Variants in SLC26A7 observed in about 807,000 individuals in gnomAD.
SLC26A7 encodes anion exchange transporter.
Under a neutral mutation model 82.5 loss-of-function variants are expected in SLC26A7, and 59 were observed. The observed-to-expected ratio is 0.72, with a 90% CI of 0.58 to 0.89. SLC26A7 has a LOEUF of 0.89. Ranked by LOEUF, SLC26A7 falls within the 40% of genes least tolerant of loss-of-function variation. The pLI, the probability that SLC26A7 is intolerant of heterozygous loss-of-function variation, is 0.00. For synonymous variants in SLC26A7, 271 were observed against 274.3 expected, an observed-to-expected ratio of 0.99 and a Z score of 0.12; for missense variants, 820 against 793.0, an observed-to-expected ratio of 1.03 and a Z score of -0.41.
chr8:91,239,151 A>G (rs1810432170), intron 2 of SLC26A7, among the ~76,000 whole-genome samples: 1 of 151,988 alleles, frequency 6.6e-6, no homozygotes, highest in African/African-American at 2.4e-5. Flanking sequence ...CGGGCGGATC[A>G]CGAGGTCTGG....
intron 4 of SLC26A7, among the ~76,000 whole-genome samples, chr8:91,304,364 T>A (rs1290716716): frequency 6.6e-6 from 1 of 152,120 alleles, no homozygotes; most frequent in Non-Finnish European, 1.5e-5. Flanking sequence ...CCATGAGATT[T>A]GATTGTTTAA....
intron 5 of SLC26A7, among the ~76,000 whole-genome samples, chr8:91,327,525 A>T (rs967467985): frequency 6.6e-6 from 1 of 152,160 alleles, no homozygotes; most frequent in African/African-American, 2.4e-5. Flanking sequence ...CTATATGCTG[A>T]TTATGCCAAA....
At chr8:91,243,077 A>T (rs964990225) in intron 2 of SLC26A7, among the ~76,000 whole-genome samples, 3 of 152,174 alleles carry the variant, frequency 2.0e-5, no homozygotes, top group Non-Finnish European at 4.4e-5. Context: ...TTGTGCGGTA[A>T]TGTTTATGCT....
intron 2 of SLC26A7, among the ~76,000 whole-genome samples, chr8:91,265,328 G>A (rs1024887530): frequency 5.9e-5 from 9 of 152,000 alleles, no homozygotes; most frequent in African/African-American, 2.2e-4. Context: ...GGCTATTGTG[G>A]ATAGTGCTAC....
rs570915200 is a variant in SLC26A7, at chr8:91,222,021, A to G, written c.-34+3016A>G. Reference sequence around the variant, plus strand: ...ATTCATGAGGATGGAATGTTTTTCCATTTGTTTGTGTCCTCTCTTATTTCC... The same window carrying G: ...ATTCATGAGGATGGAATGTTTTTCCGTTTGTTTGTGTCCTCTCTTATTTCC... On this transcript the variant is annotated intron_variant, in intron 2 of 5. Coordinates refer to the SLC26A7 transcript ENST00000522862. Among the ~76,000 whole-genome samples, 201 of 152,092 alleles carry G rather than the reference A, an allele frequency of 1.3e-3. 1 individual carries two copies. The highest frequency in any genetic ancestry group is 2.6e-3 in the Admixed American group (39 of 15,278).
intron 5 of SLC26A7, among the ~76,000 whole-genome samples, chr8:91,324,948 G>T (rs1290339087): frequency 1.3e-5 from 2 of 152,158 alleles, no homozygotes; most frequent in African/African-American, 4.8e-5. Context: ...TAGATATAAG[G>T]TTGGCATGTT....
chr8:91,209,793 G>A (rs1033407465), intron 1 of SLC26A7, among the ~76,000 whole-genome samples: 1 of 152,158 alleles, frequency 6.6e-6, no homozygotes, highest in African/African-American at 2.4e-5. Flanking sequence ...ATCATGTTAA[G>A]GGAATGAGTA....
At chr8:91,250,110 G>C (rs1480813366) in intron 2 of SLC26A7, among the ~76,000 whole-genome samples, 1 of 152,096 alleles carries the variant, frequency 6.6e-6, no homozygotes, top group African/African-American at 2.4e-5. Flanking sequence ...TAGAGTGAAA[G>C]ATTAGTAATT....
intron 1 of SLC26A7, among the ~76,000 whole-genome samples, chr8:91,215,692 T>G (rs1330662546): frequency 2.0e-5 from 3 of 152,198 alleles, no homozygotes; most frequent in Non-Finnish European, 4.4e-5. Context: ...TCCTATTCAC[T>G]GACCTTGGCT....
intron 16 of SLC26A7, among the ~76,000 whole-genome samples, chr8:91,391,464 C>T (rs1814966829): frequency 1.3e-5 from 2 of 152,148 alleles, no homozygotes; most frequent in Non-Finnish European, 2.9e-5. Flanking sequence ...TTCTCCCCAC[C>T]GAATATATTT....
chr8:91,213,219 TGATGG>T (rs1354699563), intron 1 of SLC26A7, among the ~76,000 whole-genome samples: 2 of 152,114 alleles, frequency 1.3e-5, no homozygotes, highest in East Asian at 3.9e-4. Context: ...GGCTGGAACA[TGATGG>T]GATTTTCTTT....
intron 2 of SLC26A7, among the ~76,000 whole-genome samples, chr8:91,234,827 A>ACCTACCTCCTTCCTTCCTTCCTTCCTTC (rs1386380375): frequency 1.5e-4 from 14 of 92,544 alleles, no homozygotes; most frequent in East Asian, 1.4e-3. Context: ...CTACCTACCT[A>ACCTACCTCCTTCCTTCCTTCCTTCCTTC]CTTCCTTCCT....
At chr8:91,254,579 A>G (rs1316877905) in intron 2 of SLC26A7, among the ~76,000 whole-genome samples, 1 of 152,178 alleles carries the variant, frequency 6.6e-6, no homozygotes, top group Middle Eastern at 3.4e-3. Context: ...TGATTTTTAC[A>G]ATGTGTTCTG....
At chr8:91,359,570 G>A (rs1813988086) in intron 11 of SLC26A7, among the ~76,000 whole-genome samples, 1 of 152,208 alleles carries the variant, frequency 6.6e-6, no homozygotes, top group African/African-American at 2.4e-5. Flanking sequence ...TGAGAAAGGT[G>A]ACATGGATAT....
chr8:91,368,905 T>G (rs904929224), intron 14 of SLC26A7, among the ~76,000 whole-genome samples: 2 of 152,164 alleles, frequency 1.3e-5, no homozygotes, highest in African/African-American at 4.8e-5. Flanking sequence ...AGATGGAAAT[T>G]GTATAGCTGA....
intron 2 of SLC26A7, among the ~76,000 whole-genome samples, chr8:91,270,960 A>G (rs1478469261): frequency 4.6e-5 from 7 of 152,196 alleles, no homozygotes; most frequent in African/African-American, 1.7e-4. Context: ...ATCAAGAAGA[A>G]AATCTGATAA....
chr8:91,214,009 GAT>G (rs1809989015), intron 1 of SLC26A7, among the ~76,000 whole-genome samples: 2 of 152,002 alleles, frequency 1.3e-5, no homozygotes, highest in South Asian at 2.1e-4. Context: ...AAACCGGTGA[GAT>G]ATATATGTGT....
At chr8:91,235,479 C>T (rs1478363960) in intron 2 of SLC26A7, among the ~76,000 whole-genome samples, 5 of 152,002 alleles carry the variant, frequency 3.3e-5, no homozygotes, top group Admixed American at 1.3e-4. Flanking sequence ...TCAGAATTCC[C>T]ACCAGTCTAG....
intron 1 of SLC26A7, among the ~76,000 whole-genome samples, chr8:91,215,613 T>C (rs1477400609): frequency 6.6e-6 from 1 of 152,200 alleles, no homozygotes; most frequent in Non-Finnish European, 1.5e-5. Context: ...CATTTTACTT[T>C]TTAAAGCTTT....
Sources: allele counts gnomAD v4.1 joint callset (sites outside exome capture counted in the v4.1 genomes callset), GRCh38; gene constraint gnomAD v4.1.1; transcripts MANE v1.5; gene names NCBI Gene and HGNC (gene_info 2026-07-23, HGNC 2026-07-21).